The following ADGRL3 variants were observed in gnomAD, a reference collection of about 807,000 sequenced individuals.
ADGRL3 encodes calcium-independent alpha-latrotoxin receptor 3.
ADGRL3 carries 62 observed loss-of-function variants against 153.5 expected under a neutral mutation model. The observed-to-expected ratio is 0.40, with a 90% CI of 0.33 to 0.50. The LOEUF (loss-of-function observed/expected upper bound fraction) is 0.50. Among genes scored for constraint, ADGRL3 ranks in the 20% least tolerant of loss-of-function variants. The pLI is 0.47. For missense variants in ADGRL3, 1,641 were observed against 1,859.4 expected, an observed-to-expected ratio of 0.88 and a Z score of 2.16; for synonymous variants, 710 against 672.5, an observed-to-expected ratio of 1.06 and a Z score of -0.86.
intron 8 of ADGRL3, among the ~76,000 whole-genome samples, chr4:61,752,699 G>A (rs2096771823): frequency 6.6e-6 from 1 of 152,076 alleles, no homozygotes; most frequent in Admixed American, 6.6e-5. Context: ...TTGGGAGGCT[G>A]AGGTAGGTGG....
Position 61,756,461 on chromosome 4 carries a change from A to G in ADGRL3, c.1399+22907A>G, listed in dbSNP as rs901500939. ...ATAAGAATGCTTGTGATTTTTGCACATTGATTTTGTATCCTGAGACTTTGC... is the reference window on the plus strand; with the variant it reads ...ATAAGAATGCTTGTGATTTTTGCACGTTGATTTTGTATCCTGAGACTTTGC... On this transcript the variant is annotated intron_variant, in intron 8 of 26. Transcript: ENST00000683033. 2.5e-3 allele frequency among the ~76,000 whole-genome samples: 376 copies of G among 152,226 alleles called. 4 individuals carry two copies. Among genetic ancestry groups the G allele is most frequent in the Non-Finnish European group, 2.8e-3 (190 of 68,028 alleles).
At chr4:62,019,042 C>T (rs531670568) in intron 21 of ADGRL3, among the ~76,000 whole-genome samples, 78 of 152,274 alleles carry the variant, frequency 5.1e-4, no homozygotes, top group African/African-American at 1.8e-3. Context: ...CCAACATTAA[C>T]ATTACTTTGG....
intron 5 of ADGRL3, among the ~76,000 whole-genome samples, chr4:61,626,056 G>A (rs1347020734): frequency 6.6e-6 from 1 of 151,532 alleles, no homozygotes; most frequent in African/African-American, 2.4e-5. Flanking sequence ...ATATTTACAT[G>A]GCTTTCTATT....
chr4:61,952,124 A>G (rs959525833), intron 17 of ADGRL3, among the ~76,000 whole-genome samples: 2 of 152,160 alleles, frequency 1.3e-5, no homozygotes, highest in Admixed American at 6.5e-5. Context: ...TCTCCTTTAC[A>G]TTTTACAAAG....
chr4:61,283,072 G>T (rs2150022612), intron 1 of ADGRL3, among the ~76,000 whole-genome samples: 1 of 151,900 alleles, frequency 6.6e-6, no homozygotes, highest in South Asian at 2.1e-4. Context: ...TTCTTCCTTT[G>T]TAATACATTC....
At chr4:61,459,203 A>G (rs1362740264) in intron 2 of ADGRL3, among the ~76,000 whole-genome samples, 1 of 151,812 alleles carries the variant, frequency 6.6e-6, no homozygotes, top group Admixed American at 6.6e-5. Flanking sequence ...TAATTGACAA[A>G]TATTTCATGA....
intron 3 of ADGRL3, among the ~76,000 whole-genome samples, chr4:61,498,496 C>A (rs1579193714): frequency 6.6e-6 from 1 of 151,872 alleles, no homozygotes; most frequent in Non-Finnish European, 1.5e-5. Context: ...CTTACAGTGA[C>A]CCAAGATCGT....
intron 17 of ADGRL3, among the ~76,000 whole-genome samples, chr4:61,954,043 C>T (rs1177872678): frequency 6.6e-6 from 1 of 152,014 alleles, no homozygotes; most frequent in Non-Finnish European, 1.5e-5. Flanking sequence ...TGGATGTATA[C>T]CTCATCTCAT....
At chr4:61,862,985 C>T (rs1163817456) in intron 9 of ADGRL3, among the ~76,000 whole-genome samples, 1 of 152,078 alleles carries the variant, frequency 6.6e-6, no homozygotes, top group Non-Finnish European at 1.5e-5. Flanking sequence ...ATTGAGTAGG[C>T]TGGGGAAACA....
At chr4:61,499,862 A>C (rs2098364766) in intron 3 of ADGRL3, among the ~76,000 whole-genome samples, 1 of 152,142 alleles carries the variant, frequency 6.6e-6, no homozygotes, top group African/African-American at 2.4e-5. Flanking sequence ...TTTCAGAACT[A>C]AAATTCCTGG....
intron 1 of ADGRL3, among the ~76,000 whole-genome samples, chr4:61,294,223 T>C (rs1215572709): frequency 6.6e-6 from 1 of 152,126 alleles, no homozygotes; most frequent in Non-Finnish European, 1.5e-5. Flanking sequence ...AACCTTCAGG[T>C]CAAGTGTGTT....
At chr4:61,933,273 T>A (rs2150125600) in intron 13 of ADGRL3, among the ~76,000 whole-genome samples, 1 of 152,206 alleles carries the variant, frequency 6.6e-6, no homozygotes, top group East Asian at 1.9e-4. Context: ...TAAAGTTTTT[T>A]TATTTTTATT....
chr4:61,712,813 T>A (rs921478278), intron 6 of ADGRL3, among the ~76,000 whole-genome samples: 1 of 152,206 alleles, frequency 6.6e-6, no homozygotes, highest in African/African-American at 2.4e-5. Context: ...TCACTGTGGT[T>A]TTAGTTCCTT....
chr4:61,464,017 C>CAACT (rs1252567669), intron 2 of ADGRL3, among the ~76,000 whole-genome samples: 1 of 152,170 alleles, frequency 6.6e-6, no homozygotes, highest in Non-Finnish European at 1.5e-5. Context: ...ATCTCTATTA[C>CAACT]AACTACGCAC....
At chr4:61,573,696 G>T (rs570253679) in intron 4 of ADGRL3, among the ~76,000 whole-genome samples, 1 of 151,924 alleles carries the variant, frequency 6.6e-6, no homozygotes, top group Non-Finnish European at 1.5e-5. Flanking sequence ...TGGACAAGAA[G>T]GCCATTCAAT....
In ADGRL3 at chr4:61,289,788, A is replaced by G. The variant is rs544058332; in HGVS notation, c.-240+88023A>G. Among the ~76,000 whole-genome samples, 104 of 152,222 alleles carry G rather than the reference A, an allele frequency of 6.8e-4. 1 individual carries two copies. The highest frequency in any genetic ancestry group is 2.4e-3 in the African/African-American group (99 of 41,558). On this transcript the variant is annotated intron_variant, in intron 1 of 26. Transcript: ENST00000683033. ...TAATATAAGGAGATAGTAAGAGGAC[A>G]CTAAAGGCAGAATGTCTAGGCAGAA... is the stretch of plus-strand genomic sequence containing the variant.
At chr4:61,912,874 G>A (rs2098728227) in intron 13 of ADGRL3, 117 bp downstream of exon 13, 1 of 947,572 alleles carries the variant, frequency 1.1e-6, no homozygotes, top group Non-Finnish European at 1.6e-6. Context: ...GGAATTTCAT[G>A]GAGGGGGAGA....
chr4:61,839,722 C>G (rs2097997372), intron 9 of ADGRL3, among the ~76,000 whole-genome samples: 1 of 151,556 alleles, frequency 6.6e-6, no homozygotes, highest in South Asian at 2.1e-4. Context: ...TTACTTGAAG[C>G]TAGGAGGTCA....
chr4:61,559,474 T>A (rs1372603396), intron 4 of ADGRL3, among the ~76,000 whole-genome samples: 2 of 152,144 alleles, frequency 1.3e-5, no homozygotes, highest in African/African-American at 4.8e-5. Context: ...AATAAAAGCT[T>A]GGACTGCACC....
Sources: allele counts gnomAD v4.1 joint callset (sites outside exome capture counted in the v4.1 genomes callset), GRCh38; gene constraint gnomAD v4.1.1; transcripts MANE v1.5; gene names NCBI Gene and HGNC (gene_info 2026-07-23, HGNC 2026-07-21).